Variants in KCNQ1OT1 observed in about 807,000 individuals in gnomAD.
KCNQ1OT1 encodes KCNQ1 opposite strand/antisense transcript 1.
chr11:2,678,720 G>A lies in KCNQ1OT1; in HGVS notation n.21275C>T. ...AAACACTCTTAAGATTTAAACACAG[G>A]ATTAGCTCTTGAGTTAGACAGGAAG... On this transcript the variant is annotated non_coding_transcript_exon_variant, in exon 1 of 1. Transcript: ENST00000597346. The surrounding 1 kb of genome is among the most constrained non-coding windows in gnomAD (Gnocchi z 4.9). 1 of 398,600 alleles carries A rather than the reference G, an allele frequency of 2.5e-6. No homozygotes were observed. The highest frequency in any genetic ancestry group is 4.4e-6 in the Non-Finnish European group (1 of 226,076). 24.7% of individuals were successfully genotyped at this position (398,600 alleles called of 1,614,324 possible).
Position 2,663,096 on chromosome 11 carries a change from G to A in KCNQ1OT1, n.36899C>T, listed in dbSNP as rs570843444. The A allele has an allele frequency of 5.3e-5, 21 of 398,690 alleles. 1 individual carries two copies. The South Asian group carries it at 2.7e-3, about 51-fold the overall frequency. The allele number at this position is 398,690 out of a possible 1,614,324, so 24.7% of individuals were successfully genotyped here. A position where few individuals can be genotyped will look rare whatever the true frequency, so the allele number is the denominator to read the frequency against. On this transcript the variant is annotated non_coding_transcript_exon_variant, in exon 1 of 1. Coordinates refer to ENST00000597346, the Ensembl canonical transcript of KCNQ1OT1. This position sits in a 1 kb window ranked among gnomAD's most constrained non-coding sequence, Gnocchi z 5.2. ...TAGCCAGAATGAGGCCACCTCCAGGGAAGGAGTGGCTATCTTAAGGGGTAA... is the reference window on the plus strand; with the variant it reads ...TAGCCAGAATGAGGCCACCTCCAGGAAAGGAGTGGCTATCTTAAGGGGTAA...
exon 1 of KCNQ1OT1, chr11:2,625,332 C>T: frequency 2.5e-6 from 1 of 398,624 alleles, no homozygotes; most frequent in Non-Finnish European, 4.4e-6. Flanking sequence ...CACACTGCAG[C>T]CTCAACCTAG....
chr11:2,620,655 A>G lies in KCNQ1OT1; in HGVS notation n.79340T>C. ...GAATAGTGCTGTGATGAACATACAA[A>G]TGCATGTGTCTTTTTGATAGAACAA... On this transcript the variant is annotated non_coding_transcript_exon_variant, in exon 1 of 1. Transcript: ENST00000597346. This position sits in a 1 kb window ranked among gnomAD's most constrained non-coding sequence, Gnocchi z 4.5. The G allele has an allele frequency of 2.5e-6, 1 of 398,462 alleles. No homozygotes were observed. The highest frequency in any genetic ancestry group is 4.4e-6 in the Non-Finnish European group (1 of 226,038). 24.7% of individuals were successfully genotyped at this position (398,462 alleles called of 1,614,324 possible). A position where few individuals can be genotyped will look rare whatever the true frequency, so the allele number is the denominator to read the frequency against.
At position 2,669,068 on chromosome 11, in the gene KCNQ1OT1, C is replaced by A; in HGVS notation, n.30927G>T. The stretch of plus-strand genomic sequence containing the variant: ...GGGAAGGCCCGTCCTCTCCCAACTA[C>A]CCTGCCGTATCAGTGTCTTTACAAT... On this transcript the variant is annotated non_coding_transcript_exon_variant, in exon 1 of 1. Transcript: ENST00000597346. This position sits in a 1 kb window ranked among gnomAD's most constrained non-coding sequence, Gnocchi z 5.6. The A allele has an allele frequency of 2.5e-6, 1 of 398,730 alleles. No homozygotes were observed. 24.7% of individuals were successfully genotyped at this position (398,730 alleles called of 1,614,324 possible).
chr11:2,694,249 C>T (rs769299357), exon 1 of KCNQ1OT1: 5 of 398,658 alleles, frequency 1.3e-5, no homozygotes, highest in Non-Finnish European at 2.2e-5. Context: ...CAAGCCAGGG[C>T]CTGCTGCCTT....
At position 2,652,039 on chromosome 11, in the gene KCNQ1OT1, G is replaced by A; in HGVS notation, n.47956C>T. 1 of 398,654 alleles carries A rather than the reference G, an allele frequency of 2.5e-6. No homozygotes were observed. The highest frequency in any genetic ancestry group is 2.1e-5 in the African/African-American group (1 of 48,756). The allele number at this position is 398,654 out of a possible 1,614,324, so 24.7% of individuals were successfully genotyped here. A position where few individuals can be genotyped will look rare whatever the true frequency, so the allele number is the denominator to read the frequency against. On this transcript the variant is annotated non_coding_transcript_exon_variant, in exon 1 of 1. Transcript: ENST00000597346. This position sits in a 1 kb window ranked among gnomAD's most constrained non-coding sequence, Gnocchi z 5.9. ...TTGAGCCTCCCCCCAGTTCTGGGGT[G>A]GCTCTGACTGTGTCCAGGCTCCAAT... is the stretch of plus-strand genomic sequence containing the variant.
At chr11:2,672,755 A>T in exon 1 of KCNQ1OT1, 1 of 398,812 alleles carries the variant, frequency 2.5e-6, no homozygotes, top group Non-Finnish European at 4.4e-6. Context: ...TTGCTGGTCC[A>T]GCATGGCCTG....
Position 2,661,328 on chromosome 11 carries a change from G to C in KCNQ1OT1, n.38667C>G. ...AGAGAGTGGGGAGTGATAAGGATCAGTATCCTGAGCTCCTGTGTCAAAGTT... is the reference window on the plus strand; with the variant it reads ...AGAGAGTGGGGAGTGATAAGGATCACTATCCTGAGCTCCTGTGTCAAAGTT... On this transcript the variant is annotated non_coding_transcript_exon_variant, in exon 1 of 1. Coordinates refer to ENST00000597346, the Ensembl canonical transcript of KCNQ1OT1. This position sits in a 1 kb window ranked among gnomAD's most constrained non-coding sequence, Gnocchi z 5.9. 2 of 404,020 alleles carry C rather than the reference G, an allele frequency of 5.0e-6. No homozygotes were observed. The highest frequency in any genetic ancestry group is 8.3e-5 in the Admixed American group (2 of 24,152). 25.0% of individuals were successfully genotyped at this position (404,020 alleles called of 1,614,324 possible).
rs1849749409 is a variant in KCNQ1OT1 at position 2,651,070 on chromosome 11, C to T, written n.48925G>A. ...TTCTCTGCCTACATTGTTGTCCATA[C>T]CTCATTACTGGTCTCTTGATTTCCA... is the stretch of plus-strand genomic sequence containing the variant. On this transcript the variant is annotated non_coding_transcript_exon_variant, in exon 1 of 1. Transcript: ENST00000597346. The surrounding 1 kb of genome is among the most constrained non-coding windows in gnomAD (Gnocchi z 6.1). 1 of 398,838 alleles carries T rather than the reference C, an allele frequency of 2.5e-6. No homozygotes were observed. Among genetic ancestry groups the T allele is most frequent in the Non-Finnish European group, 4.4e-6 (1 of 226,192 alleles). 24.7% of individuals were successfully genotyped at this position (398,838 alleles called of 1,614,324 possible). A position where few individuals can be genotyped will look rare whatever the true frequency, so the allele number is the denominator to read the frequency against.
chr11:2,648,039 C>G (rs1316265588), exon 1 of KCNQ1OT1: 1 of 394,488 alleles, frequency 2.5e-6, no homozygotes, highest in Non-Finnish European at 4.4e-6. Flanking sequence ...CATGGCAAAC[C>G]CCCATCTCTA....
chr11:2,609,759 A>G (rs1161617830), exon 1 of KCNQ1OT1: 3 of 398,094 alleles, frequency 7.5e-6, no homozygotes, highest in Admixed American at 4.4e-5. Flanking sequence ...TTGACATTTT[A>G]TCATTATGAG....
At position 2,669,347 on chromosome 11, in the gene KCNQ1OT1, T is replaced by G. The variant is rs548116506; in HGVS notation, n.30648A>C. 5.5e-5 allele frequency: 22 copies of G among 398,640 alleles called. No individual in the cohort carries two copies. Among genetic ancestry groups the G allele is most frequent in the African/African-American group, 4.1e-4 (20 of 48,758 alleles). The allele number at this position is 398,640 out of a possible 1,614,324, so 24.7% of individuals were successfully genotyped here. ...TCCTCTAGGCGCAGCAGCCTCTAGA[T>G]GGGCATGGGAGAATGGGTATCCTTA... On this transcript the variant is annotated non_coding_transcript_exon_variant, in exon 1 of 1. Coordinates refer to ENST00000597346, the Ensembl canonical transcript of KCNQ1OT1. This position sits in a 1 kb window ranked among gnomAD's most constrained non-coding sequence, Gnocchi z 5.6.
exon 1 of KCNQ1OT1, chr11:2,699,839 C>T (rs1166692856): frequency 7.6e-6 from 3 of 397,192 alleles, no homozygotes; most frequent in African/African-American, 4.1e-5. Context: ...CGAGGAGGAC[C>T]GCGCTGAGGG....
Position 2,626,176 on chromosome 11 carries a change from A to G in KCNQ1OT1, n.73819T>C. On this transcript the variant is annotated non_coding_transcript_exon_variant, in exon 1 of 1. Transcript: ENST00000597346. The surrounding 1 kb of genome is among the most constrained non-coding windows in gnomAD (Gnocchi z 4.0). ...AAGTTTTTCCCCTATGTTTCCTTATAAGACTTCATAGTTTTAGGACTTTGA... is the reference window on the plus strand; with the variant it reads ...AAGTTTTTCCCCTATGTTTCCTTATGAGACTTCATAGTTTTAGGACTTTGA... 2.5e-6 allele frequency: 1 copy of G among 398,554 alleles called. No homozygotes were observed. Among genetic ancestry groups the G allele is most frequent in the Admixed American group, 4.4e-5 (1 of 22,730 alleles). 24.7% of individuals were successfully genotyped at this position (398,554 alleles called of 1,614,324 possible).
chr11:2,626,166 G>A lies in KCNQ1OT1; in HGVS notation n.73829C>T. 1 of 398,208 alleles carries A rather than the reference G, an allele frequency of 2.5e-6. No homozygotes were observed. Among genetic ancestry groups the A allele is most frequent in the Non-Finnish European group, 4.4e-6 (1 of 226,028 alleles). 24.7% of individuals were successfully genotyped at this position (398,208 alleles called of 1,614,324 possible). A position where few individuals can be genotyped will look rare whatever the true frequency, so the allele number is the denominator to read the frequency against. ...CAATGATGTAAAGTTTTTCCCCTAT[G>A]TTTCCTTATAAGACTTCATAGTTTT... is the stretch of plus-strand genomic sequence containing the variant. On this transcript the variant is annotated non_coding_transcript_exon_variant, in exon 1 of 1. Transcript: ENST00000597346. This position sits in a 1 kb window ranked among gnomAD's most constrained non-coding sequence, Gnocchi z 4.0.
exon 1 of KCNQ1OT1, chr11:2,646,081 G>A: frequency 2.5e-6 from 1 of 398,652 alleles, no homozygotes; most frequent in Non-Finnish European, 4.4e-6. Flanking sequence ...CATAGAAGCA[G>A]ACTGCCTGAC....
exon 1 of KCNQ1OT1, chr11:2,665,236 A>C (rs945056834): frequency 5.0e-6 from 2 of 398,402 alleles, no homozygotes; most frequent in Non-Finnish European, 8.8e-6. Flanking sequence ...AATGGGGCAC[A>C]AGAGAGTCCC....
chr11:2,692,434 T>G (rs1010449373), exon 1 of KCNQ1OT1: 53 of 398,560 alleles, frequency 1.3e-4, no homozygotes, highest in African/African-American at 1.0e-3. Context: ...TTTCAAAGTT[T>G]AGAGACCTGT....
rs1035775987 is a variant in KCNQ1OT1, at chr11:2,647,493, A to G, written n.52502T>C. On this transcript the variant is annotated non_coding_transcript_exon_variant, in exon 1 of 1. Coordinates refer to ENST00000597346, the Ensembl canonical transcript of KCNQ1OT1. This position sits in a 1 kb window ranked among gnomAD's most constrained non-coding sequence, Gnocchi z 4.0. ...TATTGTGTCCTTATCTGGTTTTGGT[A>G]TCAAGATACTGCTTGCCTCACAGAA... 5.5e-5 allele frequency: 22 copies of G among 398,526 alleles called. No individual in the cohort carries two copies. The East Asian group carries it at 7.8e-4, about 14-fold the overall frequency. The allele number at this position is 398,526 out of a possible 1,614,324, so 24.7% of individuals were successfully genotyped here.
Sources: allele counts gnomAD v4.1 joint callset, GRCh38; gene constraint gnomAD v4.1.1; non-coding constraint Gnocchi (gnomAD v3.1); transcripts MANE v1.5; gene names NCBI Gene and HGNC (gene_info 2026-07-23, HGNC 2026-07-21).